BMPR2: variants seen among roughly 807,000 people sequenced by gnomAD.
BMPR2 encodes the protein bone morphogenetic protein receptor type-2.
BMPR2 carries 29 observed loss-of-function variants against 100.8 expected under a neutral mutation model. The ratio of observed to expected loss-of-function variants is 0.29; its 90% CI spans 0.21 to 0.39. The LOEUF is 0.39. BMPR2 is among the 10% of genes least tolerant of loss of function. The pLI, the probability that BMPR2 is intolerant of heterozygous loss-of-function variation, is 1.00. For missense variants in BMPR2, 1,011 were observed against 1,274.5 expected (o/e 0.79, Z 3.15); for synonymous variants, 382 against 442.3 (o/e 0.86, Z 1.71).
intron 3 of BMPR2, among the ~76,000 whole-genome samples, chr2:202,504,401 C>T (rs1031255942): frequency 6.6e-6 from 1 of 151,958 alleles, no homozygotes; most frequent in Non-Finnish European, 1.5e-5. Context: ...AGACACGCCG[C>T]CTCAAGAGCT....
chr2:202,480,724 C>T (rs1302628887), intron 3 of BMPR2, among the ~76,000 whole-genome samples: 3 of 151,776 alleles, frequency 2.0e-5, no homozygotes, highest in East Asian at 1.9e-4. Flanking sequence ...GAGGCCGAGG[C>T]GGGTGGATCA....
intron 3 of BMPR2, among the ~76,000 whole-genome samples, chr2:202,497,955 C>T (rs1019221459): frequency 6.6e-6 from 1 of 152,204 alleles, no homozygotes; most frequent in Admixed American, 6.5e-5. Flanking sequence ...CCTCCTCAGA[C>T]TAACAGGCCT....
intron 1 of BMPR2, among the ~76,000 whole-genome samples, chr2:202,417,027 G>T (rs1244285937): frequency 6.6e-6 from 1 of 150,820 alleles, no homozygotes; most frequent in Non-Finnish European, 1.5e-5. Flanking sequence ...TAGTAGAGAC[G>T]GGATTTCACT....
At chr2:202,486,429 G>A (rs1199769681) in intron 3 of BMPR2, among the ~76,000 whole-genome samples, 1 of 152,124 alleles carries the variant, frequency 6.6e-6, no homozygotes, top group African/African-American at 2.4e-5. Context: ...AGGAGTTTGA[G>A]ACCAGCCTGG....
chr2:202,518,749 G>C (rs937007937), intron 5 of BMPR2, 73 bp from the exon 6 acceptor site: 26 of 1,181,520 alleles, frequency 2.2e-5, no homozygotes, highest in Non-Finnish European at 3.1e-5. Flanking sequence ...GTTTAAATTT[G>C]TACTTTATTA....
intron 3 of BMPR2, among the ~76,000 whole-genome samples, chr2:202,509,293 A>G (rs922348651): frequency 1.3e-5 from 2 of 152,076 alleles, no homozygotes; most frequent in African/African-American, 4.8e-5. Flanking sequence ...TTCATAGGCT[A>G]TAAAAAGCTT....
At position 202,562,740 on chromosome 2, in the gene BMPR2, A is replaced by G. The variant is rs549062087; in HGVS notation, c.*2794A>G. 2 of 152,290 alleles carry G rather than the reference A, an allele frequency of 1.3e-5. No individual in the cohort carries two copies. The highest frequency in any genetic ancestry group is 2.1e-4 in the South Asian group (1 of 4,816). The allele number at this position is 152,290 out of a possible 1,614,324, so 9.4% of individuals were successfully genotyped here. On this transcript the variant is annotated 3_prime_UTR_variant, in exon 13 of 13. Coordinates refer to ENST00000374580, the MANE Select transcript of BMPR2 (RefSeq NM_001204.7). ...TCCCTTAACAAAATCCTAACTGTAT[A>G]CCAGAATTAGGTCACTGAAAGAACT...
chr2:202,533,045 G>GT (rs912100263), intron 9 of BMPR2, among the ~76,000 whole-genome samples: 2 of 152,140 alleles, frequency 1.3e-5, no homozygotes, highest in African/African-American at 4.8e-5. Flanking sequence ...CCATCTGAGT[G>GT]TTTGAGACAA....
chr2:202,534,785 C>A lies in BMPR2; in HGVS notation c.1276+2053C>A, dbSNP rs539343001. Among the ~76,000 whole-genome samples, 465 of 152,252 alleles carry A rather than the reference C, an allele frequency of 3.1e-3. 2 individuals carry two copies. The highest frequency in any genetic ancestry group is 0.011 in the African/African-American group (450 of 41,536). Reference sequence around the variant, plus strand: ...TCAATGAGCTGTTGGGCACACCTCCCAGACGGGGTGGTGGCCGGGCAGAGA... The same window carrying A: ...TCAATGAGCTGTTGGGCACACCTCCAAGACGGGGTGGTGGCCGGGCAGAGA... On this transcript the variant is annotated intron_variant, in intron 9 of 12. Transcript: ENST00000374580.
intron 1 of BMPR2, 56 bp downstream of exon 1, chr2:202,377,606 G>A: frequency 6.3e-7 from 1 of 1,593,746 alleles, no homozygotes; most frequent in Non-Finnish European, 8.6e-7. Flanking sequence ...GGCGAGGGAG[G>A]GAGCCCGCAG....
At position 202,478,739 on chromosome 2, in the gene BMPR2, G is replaced by A. The variant is rs73052727; in HGVS notation, c.418+11050G>A. 6.3e-3 allele frequency among the ~76,000 whole-genome samples: 956 copies of A among 152,120 alleles called. 16 individuals carry two copies. The highest frequency in any genetic ancestry group is 0.021 in the African/African-American group (891 of 41,500). ...AACTTGGGCAACATAGCAAAACCCC[G>A]TCTCTACAAAAACAAAACGAAATGA... On this transcript the variant is annotated intron_variant, in intron 3 of 12. Transcript: ENST00000374580.
chr2:202,464,887 C>T lies in BMPR2; in HGVS notation c.155C>T (p.Ser52Phe), dbSNP rs1051805297. The T allele has an allele frequency of 6.2e-7, 1 of 1,614,066 alleles. No individual in the cohort carries two copies. The change falls in exon 2 of 13, where the codon TCT becomes TTT. Residue 52 changes from serine to phenylalanine, a missense_variant. Ser to Phe is a radical substitution (Grantham distance 155). Transcript: ENST00000374580. ...QDLGIGESRI[S>F]HENGTILCSK... ...CTTGGGATAGGTGAGAGTAGAATCT[C>T]TCATGAAAATGGGACAATATTATGC...
chr2:202,393,882 C>CGAGAGATAGA (rs1690602606), intron 1 of BMPR2, among the ~76,000 whole-genome samples: 1 of 97,870 alleles, frequency 1.0e-5, no homozygotes, highest in Non-Finnish European at 2.1e-5. Flanking sequence ...AATGAGAGAG[C>CGAGAGATAGA]GAGAGAGAGA....
intron 1 of BMPR2, among the ~76,000 whole-genome samples, chr2:202,379,416 A>G (rs543844251): frequency 1.6e-4 from 25 of 152,218 alleles, no homozygotes; most frequent in Non-Finnish European, 3.2e-4. Flanking sequence ...CACATACCAC[A>G]TTAATGGTAA....
At chr2:202,500,678 C>A (rs1302769227) in intron 3 of BMPR2, among the ~76,000 whole-genome samples, 3 of 152,218 alleles carry the variant, frequency 2.0e-5, no homozygotes, top group Non-Finnish European at 4.4e-5. Flanking sequence ...CACCCCAATT[C>A]TGGGAGTACA....
chr2:202,395,960 CA>C (rs376444893), intron 1 of BMPR2, among the ~76,000 whole-genome samples: 8 of 145,884 alleles, frequency 5.5e-5, no homozygotes, highest in Admixed American at 1.4e-4. Context: ...AAACAAAAAA[CA>C]AAAAAAAAAG....
At chr2:202,535,485 T>G (rs1688134609) in intron 9 of BMPR2, among the ~76,000 whole-genome samples, 2 of 127,326 alleles carry the variant, frequency 1.6e-5, no homozygotes, top group Admixed American at 7.8e-5. Flanking sequence ...TCTCAGACGA[T>G]GGGCGGCCGG....
At chr2:202,509,882 C>T (rs1687588855) in intron 3 of BMPR2, among the ~76,000 whole-genome samples, 1 of 152,024 alleles carries the variant, frequency 6.6e-6, no homozygotes, top group East Asian at 1.9e-4. Flanking sequence ...GGAATTATAA[C>T]ATTGGATATC....
chr2:202,443,370 T>G (rs1691784175), intron 1 of BMPR2, among the ~76,000 whole-genome samples: 1 of 150,756 alleles, frequency 6.6e-6, no homozygotes. Flanking sequence ...ATTTTTAATT[T>G]TTTGAGGAAC....
Sources: gnomAD v4.1 joint callset for allele counts (sites outside exome capture counted in the v4.1 genomes callset) on GRCh38, gnomAD v4.1.1 for gene constraint, MANE v1.5 for transcripts, NCBI Gene and HGNC (gene_info 2026-07-23, HGNC 2026-07-21) for gene names.